SCAP: variants seen among roughly 807,000 people sequenced by gnomAD.
The protein encoded by SCAP is sterol regulatory element-binding protein cleavage-activating protein.
SCAP carries 65 observed loss-of-function variants against 123.6 expected under a neutral mutation model. The observed-to-expected ratio is 0.53, with a 90% CI of 0.43 to 0.65. The LOEUF (loss-of-function observed/expected upper bound fraction) is 0.65, where lower values mean the gene tolerates loss of function less well. Ranked by LOEUF, SCAP falls within the 30% of genes least tolerant of loss-of-function variation. The pLI is 0.00. For missense variants in SCAP, 1,398 were observed against 1,712.5 expected, an observed-to-expected ratio of 0.82 and a Z score of 3.24; for synonymous variants, 740 against 726.3, an observed-to-expected ratio of 1.02 and a Z score of -0.30.
rs910050687 is a variant in SCAP, at chr3:47,418,258, G to T, written c.2332-9C>A. The T allele has an allele frequency of 6.4e-7, 1 of 1,559,920 alleles. No homozygotes were observed. The highest frequency in any genetic ancestry group is 1.9e-5 in the Admixed American group (1 of 52,438). ...GCCAGGCACTCGATGTCCTGCAGAA[G>T]CCCGGTGTTGGTATGGGCCAGGCTC... On this transcript the variant is annotated splice_polypyrimidine_tract_variant and intron_variant, in intron 15 of 22. Transcript: ENST00000265565.
intron 6 of SCAP, 47 bp from the exon 7 acceptor site, chr3:47,426,216 TC>T: frequency 6.3e-7 from 1 of 1,577,158 alleles, no homozygotes; most frequent in South Asian, 1.1e-5. Flanking sequence ...TGCTCTTGGT[TC>T]TGGGGACAAA....
rs934733853 is a variant in SCAP at position 47,420,920 on chromosome 3, C to G, written c.1344+11G>C. 2.0e-5 allele frequency: 32 copies of G among 1,611,962 alleles called. No individual in the cohort carries two copies. Among genetic ancestry groups the G allele is most frequent in the Non-Finnish European group, 2.7e-5 (32 of 1,178,262 alleles). ...AGGAGGCGGGCAGGGCAGGGCTCAG[C>G]CCACTCCTACCTCCATCCGGCGAAT... On this transcript the variant is annotated intron_variant, in intron 11 of 22. Transcript: ENST00000265565. This position sits in a 1 kb window ranked among gnomAD's most constrained non-coding sequence, Gnocchi z 5.0.
At chr3:47,433,826 G>A (rs1004268237) in intron 3 of SCAP, among the ~76,000 whole-genome samples, 27 of 151,996 alleles carry the variant, frequency 1.8e-4, no homozygotes, top group African/African-American at 6.5e-4. Flanking sequence ...CTGAGATCAC[G>A]CCACTGTACT....
At chr3:47,432,510 T>C (rs928215971) in intron 3 of SCAP, among the ~76,000 whole-genome samples, 2 of 152,064 alleles carry the variant, frequency 1.3e-5, no homozygotes, top group Admixed American at 6.5e-5. Context: ...AGTGAGCCTC[T>C]ATCTGTCCCC....
chr3:47,427,336 C>A, intron 5 of SCAP, 74 bp from the exon 6 acceptor site: 1 of 1,541,190 alleles, frequency 6.5e-7, no homozygotes, highest in Non-Finnish European at 9.0e-7. Context: ...CCCTTTCTCA[C>A]CCCCACCCTG....
In SCAP at chr3:47,428,656, C is replaced by T. The variant is rs759274160; in HGVS notation, c.267G>A (p.Pro89=). The change falls in exon 4 of 23, where the codon CCG becomes CCA. Residue 89 remains proline (P), a synonymous_variant. Coordinates refer to ENST00000265565, the MANE Select transcript of SCAP (RefSeq NM_012235.4). ...CAAATATCTGCTGGACATAAGCCAC[C>T]GGGGCACCCACATACTGCAGAAGAA... ...TEQPEWYVGA[P]VAYVQQIFVK... The T allele has an allele frequency of 9.9e-6, 16 of 1,613,880 alleles. No homozygotes were observed. The highest frequency in any genetic ancestry group is 5.0e-5 in the Admixed American group (3 of 59,986).
chr3:47,427,804 G>C, intron 4 of SCAP, 137 bp from the exon 5 acceptor site: 1 of 703,436 alleles, frequency 1.4e-6, no homozygotes, highest in South Asian at 1.9e-5. Context: ...CTGACCACTA[G>C]GGCAGCAGGG....
intron 3 of SCAP, among the ~76,000 whole-genome samples, chr3:47,429,385 G>A (rs1337050466): frequency 6.6e-6 from 1 of 152,230 alleles, no homozygotes; most frequent in Non-Finnish European, 1.5e-5. Context: ...TTGAGACAGG[G>A]TCTTGCTCTA....
intron 1 of SCAP, among the ~76,000 whole-genome samples, chr3:47,460,363 G>A (rs72913106): frequency 1.3e-5 from 2 of 152,190 alleles, no homozygotes; most frequent in Admixed American, 6.5e-5. Context: ...AAATATTAAC[G>A]ATTTATGTTC....
rs1368820745 is a variant in SCAP at position 47,418,427 on chromosome 3, C to T, written c.2225G>A (p.Gly742Asp). 8.2e-6 allele frequency: 13 copies of T among 1,586,972 alleles called. No homozygotes were observed. Among genetic ancestry groups the T allele is most frequent in the Non-Finnish European group, 1.1e-5 (13 of 1,170,158 alleles). Residue 742 changes from glycine (G) to aspartate (D), a missense_variant, in exon 15 of 23, where the codon GGT (glycine) becomes GAT (aspartate). By Grantham distance (94) the Gly-to-Asp change is moderately conservative. Around this residue, in one of 7 missense-constraint regions of SCAP, gnomAD observed 828 missense variants for 882.5 expected, o/e 0.94. Transcript: ENST00000265565. ...GCGCCTCCGCCGCCCGGGCCCACCACCCAGCTGCCCGTAGTTGCGCGGGCA... is the reference window on the plus strand; with the variant it reads ...GCGCCTCCGCCGCCCGGGCCCACCATCCAGCTGCCCGTAGTTGCGCGGGCA... ...VLCPRNYGQLGGGPGRRRRGE... is the reference protein window; with the variant it reads ...VLCPRNYGQLDGGPGRRRRGE...
At chr3:47,425,368 C>T (rs1706079015) in intron 8 of SCAP, 117 bp downstream of exon 8, 1 of 1,130,208 alleles carries the variant, frequency 8.8e-7, no homozygotes, top group Admixed American at 3.0e-5. Flanking sequence ...ATGTCAAAAA[C>T]AACAATGTGA....
Position 47,414,597 on chromosome 3 carries a change from G to C in SCAP, c.3362C>G (p.Ala1121Gly). ...CTGGTCAATGTACACGGTCGTGATG[G>C]CCCCTGAGTGGCCCTGAAGGGTGAA... ...CLFTLQGHSGAITTVYIDQTM... is the reference protein window; with the variant it reads ...CLFTLQGHSGGITTVYIDQTM... The change falls in exon 21 of 23, where the codon GCC becomes GGC. Residue 1121 changes from alanine (A) to glycine (G), a missense_variant. Coordinates refer to ENST00000265565, the MANE Select transcript of SCAP (RefSeq NM_012235.4). The C allele has an allele frequency of 6.2e-7, 1 of 1,613,428 alleles. No homozygotes were observed. Among genetic ancestry groups the C allele is most frequent in the Non-Finnish European group, 8.5e-7 (1 of 1,180,012 alleles).
At chr3:47,453,704 C>T (rs1030720942) in intron 1 of SCAP, among the ~76,000 whole-genome samples, 2 of 152,072 alleles carry the variant, frequency 1.3e-5, no homozygotes, top group African/African-American at 4.8e-5. Flanking sequence ...AGGTGTAATA[C>T]GCCCCCATGT....
intron 1 of SCAP, among the ~76,000 whole-genome samples, chr3:47,472,613 C>A (rs990325632): frequency 1.1e-4 from 16 of 152,198 alleles, no homozygotes; most frequent in African/African-American, 3.9e-4. Context: ...TCCCTGCAAC[C>A]ATTCTAGGTT....
At chr3:47,460,187 A>C (rs1268731148) in intron 1 of SCAP, among the ~76,000 whole-genome samples, 1 of 152,208 alleles carries the variant, frequency 6.6e-6, no homozygotes, top group African/African-American at 2.4e-5. Context: ...CATATTGTTC[A>C]AACACACGTT....
At chr3:47,415,227 G>A in intron 18 of SCAP, 47 bp from the exon 19 acceptor site, 1 of 1,546,440 alleles carries the variant, frequency 6.5e-7, no homozygotes, top group Non-Finnish European at 8.7e-7. Context: ...TAGAGCCCCA[G>A]CCCTGGGGCT....
rs1410574144 is a variant in SCAP at position 47,419,295 on chromosome 3, G to A, written c.1940+33C>T. 1.1e-5 allele frequency: 18 copies of A among 1,579,040 alleles called. No homozygotes were observed. Among genetic ancestry groups the A allele is most frequent in the Non-Finnish European group, 1.5e-5 (17 of 1,159,916 alleles). ...AAGGGGATGGTGAGTTGACACCATC[G>A]AGTGAGGTGGCACCTGGCACGGCCC... On this transcript the variant is annotated intron_variant, in intron 13 of 22. Transcript: ENST00000265565. The surrounding 1 kb of genome is among the most constrained non-coding windows in gnomAD (Gnocchi z 5.0).
At position 47,435,060 on chromosome 3, in the gene SCAP, G is replaced by C. The variant is rs894942477; in HGVS notation, c.200C>G (p.Pro67Arg). 2 of 1,614,014 alleles carry C rather than the reference G, an allele frequency of 1.2e-6. No homozygotes were observed. Among genetic ancestry groups the C allele is most frequent in the African/African-American group, 2.7e-5 (2 of 74,924 alleles). ...FTTPVKDYSP[P>R]PVDSDRKQGE... ...TTGTTTGCGGTCAGAGTCCACAGGT[G>C]GGGGCGAGTAATCCTTCACAGGGGT... The change falls in exon 3 of 23, where the codon CCA becomes CGA. Residue 67 changes from proline to arginine, a missense_variant. By Grantham distance (103) the Pro-to-Arg change is moderately radical. Coordinates refer to ENST00000265565, the MANE Select transcript of SCAP (RefSeq NM_012235.4).
chr3:47,428,988 C>G, intron 3 of SCAP: 1 of 268,508 alleles, frequency 3.7e-6, no homozygotes, highest in Non-Finnish European at 7.2e-6. Context: ...CATACTAACT[C>G]CCCCCGGAAT....
Sources: allele counts gnomAD v4.1 joint callset (sites outside exome capture counted in the v4.1 genomes callset), GRCh38; gene constraint gnomAD v4.1.1; regional missense constraint gnomAD v4.1.1; non-coding constraint Gnocchi (gnomAD v3.1); transcripts MANE v1.5; gene names NCBI Gene and HGNC (gene_info 2026-07-23, HGNC 2026-07-21).